Variants in NBR1 observed in about 807,000 individuals in gnomAD.
The protein encoded by NBR1 is next to BRCA1 gene 1 protein.
In NBR1, 59 loss-of-function variants were observed where a neutral mutation model predicts 115.5. That is an observed-to-expected ratio of 0.51 (90% CI 0.41 to 0.63). The LOEUF (loss-of-function observed/expected upper bound fraction) is 0.63. NBR1 is among the 30% of genes least tolerant of loss of function. The probability of loss-of-function intolerance (pLI) is 0.00; values close to 1 mark genes in which losing one functional copy is unlikely to be tolerated. For missense variants in NBR1, 1,043 were observed against 1,150.5 expected (o/e 0.91, Z 1.35); for synonymous variants, 373 against 414.7 (o/e 0.90, Z 1.22).
intron 20 of NBR1, 36 bp downstream of exon 20, chr17:43,203,822 T>C: frequency 7.6e-7 from 1 of 1,312,388 alleles, no homozygotes; most frequent in Non-Finnish European, 1.1e-6. Context: ...GAATCTCAAC[T>C]CCATGTCACC....
chr17:43,206,890 T>G (rs1243053551), intron 20 of NBR1, among the ~76,000 whole-genome samples: 2 of 151,960 alleles, frequency 1.3e-5, no homozygotes, highest in Non-Finnish European at 1.5e-5. Flanking sequence ...TAGTGAAACC[T>G]TATCTCTACA....
intron 20 of NBR1, among the ~76,000 whole-genome samples, chr17:43,206,266 A>G (rs2057315632): frequency 6.6e-6 from 1 of 152,138 alleles, no homozygotes; most frequent in African/African-American, 2.4e-5. Context: ...AGGCTAATTA[A>G]TAGGAGGAGC....
At chr17:43,204,399 G>A (rs908654895) in intron 20 of NBR1, among the ~76,000 whole-genome samples, 4 of 152,188 alleles carry the variant, frequency 2.6e-5, no homozygotes, top group African/African-American at 9.7e-5. Flanking sequence ...GCCGGGTATG[G>A]TGGCTCTTAC....
chr17:43,180,678 A>G, intron 4 of NBR1, 117 bp from the exon 5 acceptor site: 1 of 1,147,434 alleles, frequency 8.7e-7, no homozygotes, highest in Non-Finnish European at 1.1e-6. Context: ...AATCTTATGG[A>G]ATCTTTGGTT....
intron 5 of NBR1, among the ~76,000 whole-genome samples, chr17:43,181,055 T>C (rs766491370): frequency 6.6e-6 from 1 of 152,116 alleles, no homozygotes; most frequent in Non-Finnish European, 1.5e-5. Flanking sequence ...ATATTTTTCT[T>C]AGAGACAGGG....
chr17:43,175,851 T>A lies in NBR1; in HGVS notation c.52T>A (p.Phe18Ile). 3.1e-6 allele frequency: 5 copies of A among 1,607,086 alleles called. No individual in the cohort carries two copies. Among genetic ancestry groups the A allele is most frequent in the Non-Finnish European group, 4.3e-6 (5 of 1,175,578 alleles). Reference sequence around the variant, plus strand: ...GACTTTTAAAAATGAAATTCAAAGCTTTCTGGTTTCTGATCCAGAAAATAC... The same window carrying A: ...GACTTTTAAAAATGAAATTCAAAGCATTCTGGTTTCTGATCCAGAAAATAC... ...NVTFKNEIQS[F>I]LVSDPENTTW... The change falls in exon 2 of 21, where the codon TTT becomes ATT. Residue 18 changes from phenylalanine to isoleucine, a missense_variant. Coordinates refer to ENST00000590996, the MANE Select transcript of NBR1 (RefSeq NM_005899.5).
At chr17:43,184,383 TGAGACAGAGTCTCAC>T (rs2056751456) in intron 5 of NBR1, among the ~76,000 whole-genome samples, 3 of 145,764 alleles carry the variant, frequency 2.1e-5, no homozygotes, top group African/African-American at 2.5e-5. Context: ...TTTTTTTTTT[TGAGACAGAGTCTCAC>T]TTTGTTGCCC....
intron 20 of NBR1, 73 bp downstream of exon 20, chr17:43,203,859 T>G (rs2057257518): frequency 1.1e-6 from 1 of 912,214 alleles, no homozygotes; most frequent in Non-Finnish European, 1.7e-6. Context: ...TCTGTCTGGG[T>G]TGAAGAGTAA....
At chr17:43,178,539 G>C (rs982857344) in intron 3 of NBR1, among the ~76,000 whole-genome samples, 2 of 150,888 alleles carry the variant, frequency 1.3e-5, no homozygotes, top group Non-Finnish European at 2.9e-5. Flanking sequence ...ACCACGCCTG[G>C]CTAATTTTTG....
At chr17:43,195,252 C>A in intron 14 of NBR1, 1 of 533,026 alleles carries the variant, frequency 1.9e-6, no homozygotes, top group Non-Finnish European at 3.3e-6. Flanking sequence ...TCTATAATCC[C>A]AGCTCTTTGG....
At chr17:43,203,835 T>G (rs1478740046) in intron 20 of NBR1, 49 bp downstream of exon 20, 2 of 1,150,666 alleles carry the variant, frequency 1.7e-6, no homozygotes, top group Non-Finnish European at 2.5e-6. Context: ...ATGTCACCAG[T>G]GAAAGTGATG....
chr17:43,201,861 G>A (rs534401956), intron 18 of NBR1, 81 bp downstream of exon 18: 7 of 807,212 alleles, frequency 8.7e-6, no homozygotes, highest in Admixed American at 4.9e-5. Flanking sequence ...CTCTCTCTTC[G>A]TGATTCTTGG....
intron 3 of NBR1, 141 bp from the exon 4 acceptor site, chr17:43,179,253 T>A (rs1048666561): frequency 1.4e-6 from 1 of 701,768 alleles, no homozygotes; most frequent in Non-Finnish European, 2.5e-6. Flanking sequence ...TTCTTAAGTG[T>A]TATTCATGAC....
chr17:43,204,351 G>C (rs2057269778), intron 20 of NBR1, among the ~76,000 whole-genome samples: 1 of 152,042 alleles, frequency 6.6e-6, no homozygotes, highest in Non-Finnish European at 1.5e-5. Context: ...GCTATTCCAG[G>C]TGTTGGCACT....
intron 1 of NBR1, among the ~76,000 whole-genome samples, chr17:43,171,722 G>A (rs2056376455): frequency 6.6e-6 from 1 of 152,114 alleles, no homozygotes; most frequent in Admixed American, 6.5e-5. Context: ...GTTTTTTCGA[G>A]ACCTTAAAGA....
chr17:43,196,425 T>G, intron 14 of NBR1, 56 bp from the exon 15 acceptor site: 1 of 1,071,392 alleles, frequency 9.3e-7, no homozygotes, highest in Non-Finnish European at 1.3e-6. Flanking sequence ...GGACACTGAC[T>G]GTTGATGATA....
At chr17:43,185,616 G>A (rs963795967) in intron 5 of NBR1, among the ~76,000 whole-genome samples, 1 of 152,096 alleles carries the variant, frequency 6.6e-6, no homozygotes, top group African/African-American at 2.4e-5. Flanking sequence ...TGGGAAGATC[G>A]CTTGAGCCCA....
intron 16 of NBR1, among the ~76,000 whole-genome samples, chr17:43,199,336 A>C (rs2057141742): frequency 6.6e-6 from 1 of 151,398 alleles, no homozygotes; most frequent in South Asian, 2.1e-4. Context: ...TGGCCTCCCA[A>C]CGTGCTGGGA....
At chr17:43,208,884 T>G (rs1163517809) in intron 20 of NBR1, among the ~76,000 whole-genome samples, 1 of 152,060 alleles carries the variant, frequency 6.6e-6, no homozygotes, top group Non-Finnish European at 1.5e-5. Context: ...GGAGGATCAC[T>G]TGAGCCCAGG....
Sources: gnomAD v4.1 joint callset for allele counts (sites outside exome capture counted in the v4.1 genomes callset) on GRCh38, gnomAD v4.1.1 for gene constraint, MANE v1.5 for transcripts, NCBI Gene and HGNC (gene_info 2026-07-23, HGNC 2026-07-21) for gene names.